The following SLC25A26 variants were observed in gnomAD, a reference collection of about 807,000 sequenced individuals.
SLC25A26 encodes solute carrier family 25 member 26.
SLC25A26 carries 36 observed loss-of-function variants against 37.8 expected under a neutral mutation model. The ratio of observed to expected loss-of-function variants is 0.95; its 90% CI spans 0.73 to 1.26. The LOEUF (loss-of-function observed/expected upper bound fraction) is 1.26, where lower values mean the gene tolerates loss of function less well. Ranked by LOEUF, SLC25A26 falls within the 50% of genes most tolerant of loss-of-function variation. The pLI, the probability that SLC25A26 is intolerant of heterozygous loss-of-function variation, is 0.00. For missense variants in SLC25A26, 390 were observed against 331.1 expected, an observed-to-expected ratio of 1.18 and a Z score of -1.38; for synonymous variants, 129 against 122.5, an observed-to-expected ratio of 1.05 and a Z score of -0.35.
Position 66,238,835 on chromosome 3 carries a change from C to T in SLC25A26, c.190+2135C>T, listed in dbSNP as rs141595094. Among the ~76,000 whole-genome samples the T allele has an allele frequency of 5.9e-3, 900 of 151,740 alleles. 11 individuals are homozygous for T. The highest frequency in any genetic ancestry group is 0.021 in the African/African-American group (848 of 41,354). On this transcript the variant is annotated intron_variant, in intron 2 of 9. Coordinates refer to ENST00000354883, the MANE Select transcript of SLC25A26 (RefSeq NM_001379210.1). ...AAAAGAGGACTTGGTTTTGGTGTCT[C>T]GGGTGGCAGAGGCAGAAGAAGTAGA...
intron 5 of SLC25A26, among the ~76,000 whole-genome samples, chr3:66,264,669 C>G (rs1304571149): frequency 6.6e-6 from 1 of 152,206 alleles, no homozygotes; most frequent in Non-Finnish European, 1.5e-5. Flanking sequence ...CCTGAAACCA[C>G]CCACCCCACC....
At chr3:66,346,737 T>C (rs918468470) in intron 6 of SLC25A26, among the ~76,000 whole-genome samples, 49 of 150,680 alleles carry the variant, frequency 3.3e-4, no homozygotes, top group African/African-American at 1.2e-3. Context: ...TGTGTGTGTG[T>C]GTGTGTGTGT....
intron 1 of SLC25A26, among the ~76,000 whole-genome samples, chr3:66,172,504 G>A (rs1378474651): frequency 1.3e-5 from 2 of 151,334 alleles, no homozygotes; most frequent in African/African-American, 4.9e-5. Flanking sequence ...AAAATTCTAG[G>A]GTAAGCCTCC....
intron 5 of SLC25A26, among the ~76,000 whole-genome samples, chr3:66,298,511 T>C (rs1335187411): frequency 6.6e-6 from 1 of 152,208 alleles, no homozygotes; most frequent in Non-Finnish European, 1.5e-5. Flanking sequence ...TGATGATTTG[T>C]AATAAACAGT....
intron 9 of SLC25A26, among the ~76,000 whole-genome samples, chr3:66,376,830 T>G (rs1337052402): frequency 6.6e-6 from 1 of 152,206 alleles, no homozygotes; most frequent in Non-Finnish European, 1.5e-5. Flanking sequence ...GCATTCAGTT[T>G]AGGGCTTAAG....
chr3:66,309,320 C>G (rs2075311630), intron 5 of SLC25A26, among the ~76,000 whole-genome samples: 4 of 152,114 alleles, frequency 2.6e-5, no homozygotes, highest in Admixed American at 2.6e-4. Context: ...ATAGTATTCT[C>G]TGATGGTAGT....
intron 1 of SLC25A26, among the ~76,000 whole-genome samples, chr3:66,175,144 C>CATAT (rs1367394790): frequency 3.2e-5 from 2 of 62,538 alleles, no homozygotes; most frequent in African/African-American, 1.4e-4. Context: ...TATATATACA[C>CATAT]ACACACACAC....
At chr3:66,209,065 TACACACAC>T (rs1290674607) in intron 1 of SLC25A26, among the ~76,000 whole-genome samples, 17 of 27,756 alleles carry the variant, frequency 6.1e-4, no homozygotes, top group South Asian at 2.2e-3. Context: ...TATATATATA[TACACACAC>T]ACACCCATAT....
chr3:66,236,146 A>C (rs953394206), intron 1 of SLC25A26, among the ~76,000 whole-genome samples: 42 of 149,012 alleles, frequency 2.8e-4, no homozygotes, highest in African/African-American at 1.0e-3. Context: ...TCCTGGCCTC[A>C]AGTGATCCTC....
intron 5 of SLC25A26, among the ~76,000 whole-genome samples, chr3:66,286,357 A>C (rs547750168): frequency 6.6e-6 from 1 of 152,248 alleles, no homozygotes; most frequent in Non-Finnish European, 1.5e-5. Flanking sequence ...ATCCATTTTG[A>C]GTTGATTTTT....
intron 1 of SLC25A26, among the ~76,000 whole-genome samples, chr3:66,213,999 A>G (rs1255380723): frequency 5.9e-5 from 9 of 152,306 alleles, no homozygotes; most frequent in African/African-American, 2.2e-4. Context: ...ATTAAAAATG[A>G]TCAGTAATGC....
At chr3:66,285,442 A>G (rs913278954) in intron 5 of SLC25A26, among the ~76,000 whole-genome samples, 4 of 110,088 alleles carry the variant, frequency 3.6e-5, no homozygotes, top group Admixed American at 2.1e-4. Flanking sequence ...TTATACAGCT[A>G]TCAATTCTGA....
intron 5 of SLC25A26, among the ~76,000 whole-genome samples, chr3:66,273,937 G>A (rs928046741): frequency 1.2e-4 from 19 of 152,164 alleles, no homozygotes; most frequent in African/African-American, 2.6e-4. Flanking sequence ...AGCCCGCATC[G>A]CCAAGTCAGT....
chr3:66,184,585 C>CTGCTCACCTTGAGTTTACTATGTATTCCA (rs2070781073), intron 1 of SLC25A26, among the ~76,000 whole-genome samples: 3 of 128,136 alleles, frequency 2.3e-5, no homozygotes, highest in Non-Finnish European at 3.4e-5. Context: ...TCACCTGACT[C>CTGCTCACCTTGAGTTTACTATGTATTCCA]TGCTCACCTT....
intron 1 of SLC25A26, among the ~76,000 whole-genome samples, chr3:66,174,071 A>C (rs553718513): frequency 5.3e-5 from 8 of 152,002 alleles, no homozygotes; most frequent in African/African-American, 9.7e-5. Context: ...AAAAAAAAAA[A>C]CATGAAAGTC....
intron 1 of SLC25A26, among the ~76,000 whole-genome samples, chr3:66,145,053 C>G (rs1055238919): frequency 2.0e-5 from 3 of 152,032 alleles, no homozygotes; most frequent in Non-Finnish European, 2.9e-5. Context: ...AGAAGAAATC[C>G]CTTAAGAATT....
At chr3:66,373,568 T>G (rs552820460) in intron 9 of SLC25A26, among the ~76,000 whole-genome samples, 1 of 152,146 alleles carries the variant, frequency 6.6e-6, no homozygotes, top group Non-Finnish European at 1.5e-5. Context: ...TAGCACTCTT[T>G]CCTTCGTAAG....
intron 1 of SLC25A26, among the ~76,000 whole-genome samples, chr3:66,186,657 C>T (rs2070834345): frequency 2.0e-5 from 3 of 152,138 alleles, no homozygotes; most frequent in African/African-American, 4.8e-5. Context: ...TATCCCCAAA[C>T]CTGAGCTGAC....
chr3:66,262,194 G>A (rs1448952910), intron 4 of SLC25A26, 39 bp downstream of exon 4: 1 of 1,084,668 alleles, frequency 9.2e-7, no homozygotes, highest in Non-Finnish European at 1.3e-6. Context: ...TCTTTATTAA[G>A]ATTTTATAGT....
Sources: gnomAD v4.1 joint callset for allele counts (sites outside exome capture counted in the v4.1 genomes callset) on GRCh38, gnomAD v4.1.1 for gene constraint, MANE v1.5 for transcripts, NCBI Gene and HGNC (gene_info 2026-07-23, HGNC 2026-07-21) for gene names.